Variants in TFDP2 observed in about 807,000 individuals in gnomAD.
The protein encoded by TFDP2 is transcription factor Dp-2, also known as transcription factor Dp-2 (E2F dimerization partner 2).
TFDP2 carries 17 observed loss-of-function variants against 59.3 expected under a neutral mutation model. The observed-to-expected ratio is 0.29, with a 90% CI of 0.20 to 0.43. The LOEUF (loss-of-function observed/expected upper bound fraction) is 0.43. Ranked by LOEUF, TFDP2 falls within the 20% of genes least tolerant of loss-of-function variation. TFDP2 has a pLI of 1.00. For missense variants in TFDP2, 391 were observed against 528.8 expected (o/e 0.74, Z 2.56); for synonymous variants, 180 against 194.7 (o/e 0.92, Z 0.63).
intron 3 of TFDP2, among the ~76,000 whole-genome samples, chr3:142,012,687 T>C (rs1479542641): frequency 6.6e-6 from 1 of 152,184 alleles, no homozygotes; most frequent in African/African-American, 2.4e-5. Context: ...CATATATTTT[T>C]CATATATTTT....
At chr3:141,994,279 T>G (rs1438108773) in intron 5 of TFDP2, 1 of 152,212 alleles carries the variant, frequency 6.6e-6, no homozygotes, top group Non-Finnish European at 1.5e-5. Flanking sequence ...AGATTCTTAC[T>G]TAACTAAGAC....
intron 3 of TFDP2, among the ~76,000 whole-genome samples, chr3:142,079,186 C>G (rs1217063837): frequency 6.6e-6 from 1 of 151,966 alleles, no homozygotes; most frequent in African/African-American, 2.4e-5. Flanking sequence ...ACCTGTAATC[C>G]CAGCTACTCA....
intron 3 of TFDP2, among the ~76,000 whole-genome samples, chr3:142,074,343 A>AG (rs1417020751): frequency 1.3e-5 from 2 of 151,840 alleles, no homozygotes; most frequent in African/African-American, 4.8e-5. Context: ...CAGGAAGTGG[A>AG]GGTTGAAGTG....
chr3:142,056,203 C>G (rs9865413), intron 3 of TFDP2, among the ~76,000 whole-genome samples: 1 of 151,050 alleles, frequency 6.6e-6, no homozygotes, highest in Admixed American at 6.6e-5. Context: ...CTGCCCACCT[C>G]GGCCTCCCAA....
At chr3:141,962,285 C>T (rs141893775) in intron 10 of TFDP2, among the ~76,000 whole-genome samples, 23 of 152,194 alleles carry the variant, frequency 1.5e-4, no homozygotes, top group African/African-American at 4.1e-4. Context: ...TTCTGGTTTA[C>T]TTCATAACCT....
intron 11 of TFDP2, among the ~76,000 whole-genome samples, chr3:141,956,946 C>A (rs1207475583): frequency 6.6e-6 from 1 of 150,922 alleles, no homozygotes; most frequent in East Asian, 2.0e-4. Flanking sequence ...CCCCACCCCC[C>A]CCACAAAAAT....
intron 2 of TFDP2, among the ~76,000 whole-genome samples, chr3:142,095,333 T>C (rs2061128909): frequency 1.3e-5 from 2 of 152,224 alleles, no homozygotes; most frequent in Non-Finnish European, 2.9e-5. Context: ...GTTTATAATA[T>C]CAATGTAAGA....
chr3:142,078,202 G>A (rs1364847912), intron 3 of TFDP2, among the ~76,000 whole-genome samples: 2 of 152,164 alleles, frequency 1.3e-5, no homozygotes, highest in East Asian at 3.9e-4. Flanking sequence ...CCGACTCTAG[G>A]CCCTGCCTCC....
chr3:142,109,890 A>T (rs761735866), intron 1 of TFDP2, among the ~76,000 whole-genome samples: 3 of 151,732 alleles, frequency 2.0e-5, no homozygotes, highest in Admixed American at 6.6e-5. Flanking sequence ...TGCTCCCTTT[A>T]TTTTAGAGGC....
chr3:141,970,047 TA>T (rs759130112), intron 9 of TFDP2, 25 bp downstream of exon 9: 2 of 1,604,670 alleles, frequency 1.2e-6, no homozygotes, highest in East Asian at 4.5e-5. Flanking sequence ...ACAGGGAAGG[TA>T]ATGAAAACAT....
chr3:142,000,131 A>G (rs980028801), intron 4 of TFDP2: 2 of 531,396 alleles, frequency 3.8e-6, no homozygotes. Context: ...TGGGTGTCTT[A>G]GTCCATTCAG....
rs780933597 is a variant in TFDP2 at position 141,952,519 on chromosome 3, T to C, written c.1335A>G (p.Pro445=). The part of the protein sequence containing the change: ...EEDDEEDSSS[P]E ...CGTAGGCTTTCTCTTGTCTTTATTC[T>C]GGGGAGGAGGAATCCTCCTCATCAT... Residue 445 remains proline (P), a synonymous_variant, in exon 13 of 13, where the codon CCA becomes CCG. Transcript: ENST00000489671. 3.3e-6 allele frequency: 5 copies of C among 1,536,984 alleles called. No individual in the cohort carries two copies. The African/African-American group carries it at 7.0e-5, about 22-fold the overall frequency.
In TFDP2 at chr3:141,950,682, A is replaced by G. The variant is rs757970206; in HGVS notation, c.*1831T>C. 6.6e-6 allele frequency: 1 copy of G among 152,640 alleles called. No individual in the cohort carries two copies. The highest frequency in any genetic ancestry group is 1.5e-5 in the Non-Finnish European group (1 of 68,062). The allele number at this position is 152,640 out of a possible 1,614,324, so 9.5% of individuals were successfully genotyped here. A position where few individuals can be genotyped will look rare whatever the true frequency, so the allele number is the denominator to read the frequency against. On this transcript the variant is annotated 3_prime_UTR_variant, in exon 13 of 13. Coordinates refer to ENST00000489671, the MANE Select transcript of TFDP2 (RefSeq NM_001178139.2). Reference sequence around the variant, plus strand: ...CCCAGAGATGAGAAAGGGTGGAGTTAGTAAAAGAGGAGGCTGCCCCTTAAA... The same window carrying G: ...CCCAGAGATGAGAAAGGGTGGAGTTGGTAAAAGAGGAGGCTGCCCCTTAAA...
intron 3 of TFDP2, among the ~76,000 whole-genome samples, chr3:142,033,893 T>C (rs1448193649): frequency 6.6e-6 from 1 of 152,148 alleles, no homozygotes; most frequent in Non-Finnish European, 1.5e-5. Flanking sequence ...AACAAGGGCT[T>C]TAGCTTTCAA....
At chr3:141,961,960 T>C (rs934548363) in intron 10 of TFDP2, among the ~76,000 whole-genome samples, 2 of 152,012 alleles carry the variant, frequency 1.3e-5, no homozygotes, top group African/African-American at 2.4e-5. Context: ...CACTCTTTTT[T>C]TGGGGGGGAC....
rs75887776 is a variant in TFDP2 at position 142,115,958 on chromosome 3, A to G, written c.-92-14117T>C. On this transcript the variant is annotated intron_variant, in intron 1 of 12. Transcript: ENST00000489671. ...TAGTCCAGTCAATTATATTGTACCAATGTCAATTTCCTGATTTGGCCAATG... is the reference window on the plus strand; with the variant it reads ...TAGTCCAGTCAATTATATTGTACCAGTGTCAATTTCCTGATTTGGCCAATG... Among the ~76,000 whole-genome samples the G allele has an allele frequency of 1.8e-4, 27 of 152,290 alleles. No homozygotes were observed. The East Asian group carries it at 5.2e-3, about 29-fold the overall frequency.
chr3:142,042,954 C>A (rs1440569315), intron 3 of TFDP2, among the ~76,000 whole-genome samples: 1 of 151,480 alleles, frequency 6.6e-6, no homozygotes, highest in Non-Finnish European at 1.5e-5. Flanking sequence ...GTTGGTAAGT[C>A]TGGTCTCGAA....
chr3:142,039,893 A>G (rs1024914353), intron 3 of TFDP2, among the ~76,000 whole-genome samples: 2 of 152,200 alleles, frequency 1.3e-5, no homozygotes, highest in African/African-American at 2.4e-5. Flanking sequence ...TCCAGGTACC[A>G]GGTAACAGCA....
At chr3:142,000,982 G>C (rs1176619333) in intron 4 of TFDP2, among the ~76,000 whole-genome samples, 1 of 152,200 alleles carries the variant, frequency 6.6e-6, no homozygotes, top group African/African-American at 2.4e-5. Flanking sequence ...CTGGGTTAGA[G>C]TTTGAGTCTT....
Sources: allele counts gnomAD v4.1 joint callset (sites outside exome capture counted in the v4.1 genomes callset), GRCh38; gene constraint gnomAD v4.1.1; transcripts MANE v1.5; gene names NCBI Gene and HGNC (gene_info 2026-07-23, HGNC 2026-07-21).